KCNMB2: variants seen among roughly 807,000 people sequenced by gnomAD.
KCNMB2 encodes the protein potassium calcium-activated channel subfamily M regulatory beta subunit 2.
KCNMB2 carries 9 observed loss-of-function variants against 24.5 expected under a neutral mutation model. That is an observed-to-expected ratio of 0.37 (90% CI 0.22 to 0.64). KCNMB2 has a LOEUF of 0.64. Among genes scored for constraint, KCNMB2 ranks in the 30% least tolerant of loss-of-function variants. KCNMB2 has a pLI of 0.63. For synonymous variants in KCNMB2, 109 were observed against 104.4 expected (o/e 1.04, Z -0.27); for missense variants, 226 against 284.3 (o/e 0.79, Z 1.47).
chr3:178,684,365 T>G (rs541569845), intron 1 of KCNMB2, among the ~76,000 whole-genome samples: 90 of 147,846 alleles, frequency 6.1e-4, no homozygotes, highest in African/African-American at 2.1e-3. Flanking sequence ...TGGGGAGATG[T>G]AGATTGGAGT....
chr3:178,603,156 G>T (rs1416027547), intron 1 of KCNMB2, among the ~76,000 whole-genome samples: 1 of 152,192 alleles, frequency 6.6e-6, no homozygotes, highest in Non-Finnish European at 1.5e-5. Flanking sequence ...GGGAAAAAAT[G>T]AGGAAGAGAT....
chr3:178,702,212 CAT>C (rs1368962369), intron 1 of KCNMB2, among the ~76,000 whole-genome samples: 2 of 141,244 alleles, frequency 1.4e-5, no homozygotes, highest in Non-Finnish European at 3.0e-5. Context: ...TGTTCTCACT[CAT>C]AGGTGGGAAC....
chr3:178,672,696 T>C (rs1265904031), intron 1 of KCNMB2, among the ~76,000 whole-genome samples: 1 of 152,192 alleles, frequency 6.6e-6, no homozygotes, highest in Non-Finnish European at 1.5e-5. Context: ...AGGAAGCTGA[T>C]GGTACATCCT....
chr3:178,814,164 T>C (rs1714312335), intron 2 of KCNMB2, among the ~76,000 whole-genome samples: 1 of 152,158 alleles, frequency 6.6e-6, no homozygotes, highest in Non-Finnish European at 1.5e-5. Context: ...CTGCCCCCTT[T>C]TGGAGTCCCC....
At chr3:178,813,427 A>G (rs1023445650) in intron 2 of KCNMB2, among the ~76,000 whole-genome samples, 1 of 152,234 alleles carries the variant, frequency 6.6e-6, no homozygotes. Flanking sequence ...ATGTGTTTTT[A>G]CTGCTGATGT....
chr3:178,800,368 A>G (rs535381647), intron 1 of KCNMB2, among the ~76,000 whole-genome samples: 19 of 152,280 alleles, frequency 1.2e-4, no homozygotes, highest in African/African-American at 3.8e-4. Flanking sequence ...AATGGGCAAC[A>G]GTTCTGAATA....
intron 1 of KCNMB2, among the ~76,000 whole-genome samples, chr3:178,576,702 C>T (rs2108483998): frequency 6.6e-6 from 1 of 152,300 alleles, no homozygotes; most frequent in South Asian, 2.1e-4. Flanking sequence ...CAATTTTCCC[C>T]TCACAGTGTA....
chr3:178,831,255 A>T (rs1045734677), intron 4 of KCNMB2, among the ~76,000 whole-genome samples: 5 of 152,140 alleles, frequency 3.3e-5, no homozygotes, highest in African/African-American at 4.8e-5. Flanking sequence ...TTTTAAAGTC[A>T]AAAAATAACA....
chr3:178,773,848 C>G (rs573261613), intron 1 of KCNMB2, among the ~76,000 whole-genome samples: 16 of 152,314 alleles, frequency 1.1e-4, no homozygotes, highest in Admixed American at 5.9e-4. Flanking sequence ...AAAATATTAA[C>G]TCAAAGTTGT....
chr3:178,756,467 T>G (rs1724045211), intron 1 of KCNMB2, among the ~76,000 whole-genome samples: 1 of 152,214 alleles, frequency 6.6e-6, no homozygotes, highest in Admixed American at 6.6e-5. Context: ...TGTTTCTGTT[T>G]GAAATATGAC....
At chr3:178,688,034 G>A (rs1577098281) in intron 1 of KCNMB2, among the ~76,000 whole-genome samples, 1 of 152,130 alleles carries the variant, frequency 6.6e-6, no homozygotes, top group Non-Finnish European at 1.5e-5. Flanking sequence ...TGGAATACAG[G>A]AGGAGGAAAG....
intron 1 of KCNMB2, among the ~76,000 whole-genome samples, chr3:178,660,634 T>C (rs1328711425): frequency 1.3e-5 from 2 of 148,200 alleles, no homozygotes; most frequent in Admixed American, 7.0e-5. Context: ...CTTTCATACA[T>C]AATCACTAAT....
intron 1 of KCNMB2, chr3:178,558,884 C>T (rs966695860): frequency 4.6e-5 from 7 of 152,170 alleles, no homozygotes; most frequent in African/African-American, 1.4e-4. Context: ...GTATGCAGTA[C>T]GCTCTTGGGT....
At chr3:178,556,893 T>C (rs1716143621) in intron 1 of KCNMB2, among the ~76,000 whole-genome samples, 1 of 152,144 alleles carries the variant, frequency 6.6e-6, no homozygotes, top group Non-Finnish European at 1.5e-5. Flanking sequence ...CATAGAAAGC[T>C]GTTTCAGGGC....
At chr3:178,801,323 A>G (rs1335573215) in intron 1 of KCNMB2, among the ~76,000 whole-genome samples, 1 of 152,158 alleles carries the variant, frequency 6.6e-6, no homozygotes, top group Admixed American at 6.6e-5. Context: ...CTATGCACCC[A>G]TAAAAATTAA....
At chr3:178,760,872 G>T (rs1369838488) in intron 1 of KCNMB2, among the ~76,000 whole-genome samples, 1 of 151,450 alleles carries the variant, frequency 6.6e-6, no homozygotes, top group Non-Finnish European at 1.5e-5. Context: ...AATGATTATA[G>T]AAGATATTTA....
chr3:178,631,996 C>T (rs759682074), intron 1 of KCNMB2, among the ~76,000 whole-genome samples: 32 of 152,316 alleles, frequency 2.1e-4, no homozygotes, highest in South Asian at 6.2e-4. Context: ...GCATTCACTG[C>T]AACAGGTTGA....
intron 1 of KCNMB2, among the ~76,000 whole-genome samples, chr3:178,776,498 G>T (rs1025364027): frequency 2.0e-5 from 3 of 151,958 alleles, no homozygotes; most frequent in African/African-American, 7.3e-5. Flanking sequence ...AAATATGATC[G>T]AGTGGCTGAC....
chr3:178,822,548 C>CTT (rs66932309), intron 2 of KCNMB2, among the ~76,000 whole-genome samples: 100,510 of 152,006 alleles, frequency 0.66, 35,553 homozygotes, highest in African/African-American at 0.92. Context: ...AAACTGAACT[C>CTT]TGCTCTTCCA....
Sources: gnomAD v4.1 joint callset for allele counts (sites outside exome capture counted in the v4.1 genomes callset) on GRCh38, gnomAD v4.1.1 for gene constraint, MANE v1.5 for transcripts, NCBI Gene and HGNC (gene_info 2026-07-23, HGNC 2026-07-21) for gene names.